Variants in MGAT4A observed in about 807,000 individuals in gnomAD.
MGAT4A encodes N-acetylglucosaminyltransferase IVa.
In MGAT4A, 33 loss-of-function variants were observed where a neutral mutation model predicts 74.1. The observed-to-expected ratio is 0.45, with a 90% CI of 0.34 to 0.60. The LOEUF (loss-of-function observed/expected upper bound fraction) is 0.60, where lower values mean the gene tolerates loss of function less well. Among genes scored for constraint, MGAT4A ranks in the 20% least tolerant of loss-of-function variants. The pLI, the probability that MGAT4A is intolerant of heterozygous loss-of-function variation, is 0.02. For missense variants in MGAT4A, 479 were observed against 628.3 expected (o/e 0.76, Z 2.54); for synonymous variants, 198 against 210.4 (o/e 0.94, Z 0.51).
chr2:98,679,105 A>G (rs1702019328), intron 2 of MGAT4A, among the ~76,000 whole-genome samples: 1 of 152,054 alleles, frequency 6.6e-6, no homozygotes. Context: ...TGAGCCCAGG[A>G]GTTCAAGACC....
intron 2 of MGAT4A, among the ~76,000 whole-genome samples, chr2:98,702,506 C>T (rs1403830264): frequency 6.6e-6 from 1 of 152,220 alleles, no homozygotes; most frequent in Non-Finnish European, 1.5e-5. Context: ...GCACAGCAGA[C>T]AGCAGTGCAG....
chr2:98,681,976 T>C (rs1702066046), intron 2 of MGAT4A, among the ~76,000 whole-genome samples: 1 of 151,978 alleles, frequency 6.6e-6, no homozygotes, highest in African/African-American at 2.4e-5. Context: ...AAAATAAATA[T>C]CGATGGTAAT....
At chr2:98,647,178 G>A (rs1701499594) in intron 8 of MGAT4A, among the ~76,000 whole-genome samples, 1 of 152,194 alleles carries the variant, frequency 6.6e-6, no homozygotes, top group Non-Finnish European at 1.5e-5. Flanking sequence ...ATAATCAATG[G>A]ATGCTGAAAC....
intron 10 of MGAT4A, among the ~76,000 whole-genome samples, chr2:98,641,499 C>CAAAAAA (rs1205460540): frequency 8.0e-5 from 6 of 75,282 alleles, no homozygotes; most frequent in Admixed American, 1.8e-4. Flanking sequence ...ACTAAAAATA[C>CAAAAAA]AAAAAAAAAA....
At position 98,625,850 on chromosome 2, in the gene MGAT4A, T is replaced by C; in HGVS notation, c.1469-15A>G. On this transcript the variant is annotated splice_polypyrimidine_tract_variant and intron_variant, in intron 14 of 15. Transcript: ENST00000393487. ...CTCAAATTTTCCTTCAAAATAAAAA[T>C]CAATACTTGTTGGATACACCGAGAT... is the stretch of plus-strand genomic sequence containing the variant. The C allele has an allele frequency of 6.3e-7, 1 of 1,575,144 alleles. No individual in the cohort carries two copies. Among genetic ancestry groups the C allele is most frequent in the Non-Finnish European group, 8.7e-7 (1 of 1,145,654 alleles).
At chr2:98,669,778 T>C (rs1388091867) in intron 4 of MGAT4A, among the ~76,000 whole-genome samples, 3 of 152,072 alleles carry the variant, frequency 2.0e-5, no homozygotes, top group Non-Finnish European at 2.9e-5. Context: ...CCCCTTATGG[T>C]TGGGGACTGT....
chr2:98,697,103 A>G (rs1702285288), intron 2 of MGAT4A, among the ~76,000 whole-genome samples: 1 of 152,192 alleles, frequency 6.6e-6, no homozygotes. Context: ...TAAAACTAAA[A>G]GTAATATAAA....
At chr2:98,716,776 G>A (rs1489473161) in intron 2 of MGAT4A, among the ~76,000 whole-genome samples, 1 of 152,126 alleles carries the variant, frequency 6.6e-6, no homozygotes, top group Non-Finnish European at 1.5e-5. Context: ...ATATGACACA[G>A]TATTTACATA....
chr2:98,652,249 A>G (rs1457183031), intron 8 of MGAT4A, among the ~76,000 whole-genome samples: 1 of 152,200 alleles, frequency 6.6e-6, no homozygotes, highest in Non-Finnish European at 1.5e-5. Context: ...CAACAACAGC[A>G]GAATACACAT....
chr2:98,694,512 G>C (rs1480959362), intron 2 of MGAT4A: 2 of 153,982 alleles, frequency 1.3e-5, no homozygotes, highest in African/African-American at 4.8e-5. Flanking sequence ...TGCTGAAGTT[G>C]CATGTGGTAA....
rs567381713 is a variant in MGAT4A, at chr2:98,635,124, T to C, written c.1468+98A>G. On this transcript the variant is annotated intron_variant, in intron 14 of 15. Coordinates refer to ENST00000393487, the MANE Select transcript of MGAT4A (RefSeq NM_012214.3). ...CATAAAACCTGGAGGACACTGGTAATTGTAATCCTCAAGTTGCTTAACATC... is the reference window on the plus strand; with the variant it reads ...CATAAAACCTGGAGGACACTGGTAACTGTAATCCTCAAGTTGCTTAACATC... 11 of 866,884 alleles carry C rather than the reference T, an allele frequency of 1.3e-5. No individual in the cohort carries two copies. The South Asian group carries it at 1.6e-4, about 13-fold the overall frequency. The allele number at this position is 866,884 out of a possible 1,614,324, so 53.7% of individuals were successfully genotyped here. A position where few individuals can be genotyped will look rare whatever the true frequency, so the allele number is the denominator to read the frequency against.
Position 98,623,709 on chromosome 2 carries a change from T to C in MGAT4A, c.*1857A>G. On this transcript the variant is annotated 3_prime_UTR_variant, in exon 16 of 16. Coordinates refer to ENST00000393487, the MANE Select transcript of MGAT4A (RefSeq NM_012214.3). Reference sequence around the variant, plus strand: ...TTCAATCAAGAAAAGTAACTAAAAATTATAACAACATGGAGTGATGGAAAT... The same window carrying C: ...TTCAATCAAGAAAAGTAACTAAAAACTATAACAACATGGAGTGATGGAAAT... 2 of 985,446 alleles carry C rather than the reference T, an allele frequency of 2.0e-6. No individual in the cohort carries two copies. Among genetic ancestry groups the C allele is most frequent in the Non-Finnish European group, 2.4e-6 (2 of 829,924 alleles). 61.0% of individuals were successfully genotyped at this position (985,446 alleles called of 1,614,324 possible). A position where few individuals can be genotyped will look rare whatever the true frequency, so the allele number is the denominator to read the frequency against.
chr2:98,715,479 C>G (rs536086263), intron 2 of MGAT4A, among the ~76,000 whole-genome samples: 7 of 152,136 alleles, frequency 4.6e-5, no homozygotes, highest in African/African-American at 1.7e-4. Flanking sequence ...AAAAAAAGAA[C>G]GAGATCATGT....
At chr2:98,700,918 C>T (rs943183301) in intron 2 of MGAT4A, among the ~76,000 whole-genome samples, 20 of 150,128 alleles carry the variant, frequency 1.3e-4, no homozygotes, top group African/African-American at 4.9e-4. Flanking sequence ...CAATCTATTA[C>T]ATGTTAGCAT....
intron 13 of MGAT4A, 127 bp from the exon 14 acceptor site, chr2:98,635,415 TCA>T (rs1437981596): frequency 1.5e-6 from 1 of 646,038 alleles, no homozygotes; most frequent in East Asian, 2.8e-5. Flanking sequence ...AAATATCATC[TCA>T]GTCTTGAACT....
chr2:98,644,354 C>G (rs961050556), intron 9 of MGAT4A, among the ~76,000 whole-genome samples: 2 of 152,146 alleles, frequency 1.3e-5, no homozygotes, highest in African/African-American at 2.4e-5. Context: ...CCCTTCGTGT[C>G]TTACTAAGAT....
rs1278809603 is a variant in MGAT4A at position 98,710,508 on chromosome 2, G to A, written c.94+15731C>T. ...ACAGTCTCACTCCATCACCTAGGCT[G>A]GAGTGCAGTGGCCCGAACTCGGCTC... On this transcript the variant is annotated intron_variant, in intron 2 of 15. Coordinates refer to ENST00000393487, the MANE Select transcript of MGAT4A (RefSeq NM_012214.3). 1.2e-4 allele frequency among the ~76,000 whole-genome samples: 18 copies of A among 152,168 alleles called. 1 individual carries two copies. The highest frequency in any genetic ancestry group is 1.5e-5 in the Non-Finnish European group (1 of 68,040).
At position 98,677,521 on chromosome 2, in the gene MGAT4A, C is replaced by G. The variant is rs542324758; in HGVS notation, c.262+783G>C. 3.3e-5 allele frequency among the ~76,000 whole-genome samples: 5 copies of G among 152,308 alleles called. No homozygotes were observed. The South Asian group carries it at 1.0e-3, about 32-fold the overall frequency. On this transcript the variant is annotated intron_variant, in intron 3 of 15. Coordinates refer to ENST00000393487, the MANE Select transcript of MGAT4A (RefSeq NM_012214.3). ...GAACTGGAATGCAGTGGCAGGATCACAGCTCACTACAACCTCCGCCTCAAG... is the reference window on the plus strand; with the variant it reads ...GAACTGGAATGCAGTGGCAGGATCAGAGCTCACTACAACCTCCGCCTCAAG...
chr2:98,640,281 C>A, intron 10 of MGAT4A, 53 bp from the exon 11 acceptor site: 1 of 1,426,400 alleles, frequency 7.0e-7, no homozygotes. Context: ...GAAATCTTGC[C>A]CTCACCTGGA....
Sources: allele counts gnomAD v4.1 joint callset (sites outside exome capture counted in the v4.1 genomes callset), GRCh38; gene constraint gnomAD v4.1.1; transcripts MANE v1.5; gene names NCBI Gene and HGNC (gene_info 2026-07-23, HGNC 2026-07-21).